Variants in IL1RAPL1 observed in about 807,000 individuals in gnomAD.
IL1RAPL1 encodes the protein interleukin-1 receptor accessory protein-like 1.
In IL1RAPL1, 3 loss-of-function variants were observed where a neutral mutation model predicts 48.4. The ratio of observed to expected loss-of-function variants is 0.06; its 90% CI spans 0.03 to 0.16. The LOEUF is 0.16. Ranked by LOEUF, IL1RAPL1 falls within the 10% of genes least tolerant of loss-of-function variation. The pLI, the probability that IL1RAPL1 is intolerant of heterozygous loss-of-function variation, is 1.00. For synonymous variants in IL1RAPL1, 185 were observed against 187.7 expected (o/e 0.99, Z 0.12); for missense variants, 349 against 530.6 (o/e 0.66, Z 3.36).
At chrX:29,103,220 T>C (rs969838226) in intron 2 of IL1RAPL1, among the ~76,000 whole-genome samples, 1 of 111,956 alleles carries the variant, frequency 8.9e-6, no homozygotes, top group Non-Finnish European at 1.9e-5. Context: ...CGAGCCCACG[T>C]TATGCTACAG....
At chrX:29,290,380 A>G (rs1223354658) in intron 3 of IL1RAPL1, among the ~76,000 whole-genome samples, 1 of 111,956 alleles carries the variant, frequency 8.9e-6, no homozygotes, top group African/African-American at 3.2e-5. Context: ...TCATGTTCTC[A>G]CTATCCTGTC....
intron 2 of IL1RAPL1, among the ~76,000 whole-genome samples, chrX:28,812,215 T>C (rs1310921032): frequency 9.0e-6 from 1 of 110,857 alleles, no homozygotes; most frequent in East Asian, 2.8e-4. Context: ...AATGAAACAA[T>C]GTGTGTATAT....
chrX:28,826,859 A>T (rs1217983862), intron 2 of IL1RAPL1, among the ~76,000 whole-genome samples: 1 of 111,058 alleles, frequency 9.0e-6, no homozygotes, highest in East Asian at 2.8e-4. Context: ...CCTACACCAT[A>T]GTAGTAATAT....
At chrX:28,595,398 T>C (rs1249970314) in intron 1 of IL1RAPL1, among the ~76,000 whole-genome samples, 1 of 112,478 alleles carries the variant, frequency 8.9e-6, no homozygotes, top group Non-Finnish European at 1.9e-5. Flanking sequence ...TTTATCCCTT[T>C]GTATTATAAT....
chrX:29,739,932 C>T (rs1340280712), intron 6 of IL1RAPL1, among the ~76,000 whole-genome samples: 4 of 108,007 alleles, frequency 3.7e-5, no homozygotes, highest in Admixed American at 2.0e-4. Context: ...TGGTGGTAGG[C>T]GCCTGTAATC....
At chrX:29,335,337 G>A (rs1319710045) in intron 3 of IL1RAPL1, among the ~76,000 whole-genome samples, 2 of 47,583 alleles carry the variant, frequency 4.2e-5, no homozygotes, top group Non-Finnish European at 8.6e-5. Flanking sequence ...AGGGGAGAGG[G>A]GAGAGGGAGA....
intron 2 of IL1RAPL1, among the ~76,000 whole-genome samples, chrX:28,873,827 G>A (rs1395081116): frequency 1.8e-5 from 2 of 109,959 alleles, no homozygotes; most frequent in Non-Finnish European, 3.8e-5. Flanking sequence ...CACCGCACCT[G>A]GCCTATTGTT....
intron 3 of IL1RAPL1, among the ~76,000 whole-genome samples, chrX:29,301,181 G>A (rs1265210963): frequency 8.9e-6 from 1 of 111,873 alleles, no homozygotes; most frequent in East Asian, 2.8e-4. Flanking sequence ...AAATTTGGCA[G>A]CTTTGAATTC....
At chrX:28,897,042 T>G (rs1922938453) in intron 2 of IL1RAPL1, among the ~76,000 whole-genome samples, 1 of 110,559 alleles carries the variant, frequency 9.0e-6, no homozygotes, top group South Asian at 3.9e-4. Context: ...TGAAGAGGTT[T>G]TAAGTTCTTG....
chrX:28,687,321 T>C (rs1031316014), intron 1 of IL1RAPL1, among the ~76,000 whole-genome samples: 4 of 112,147 alleles, frequency 3.6e-5, no homozygotes, highest in African/African-American at 1.3e-4. Flanking sequence ...ATTATGAATT[T>C]AGGTCTTGTT....
intron 2 of IL1RAPL1, among the ~76,000 whole-genome samples, chrX:29,155,021 TC>T (rs1929540734): frequency 1.8e-5 from 2 of 108,941 alleles, no homozygotes; most frequent in African/African-American, 6.7e-5. Flanking sequence ...TTTTTTTTTT[TC>T]TTGAGACAGA....
intron 5 of IL1RAPL1, among the ~76,000 whole-genome samples, chrX:29,666,521 T>G (rs780621581): frequency 3.7e-5 from 4 of 107,781 alleles, no homozygotes; most frequent in Non-Finnish European, 7.6e-5. Flanking sequence ...TGACTGAGCT[T>G]TAAAGAATTC....
At chrX:29,230,504 C>CTAAAAAAAAA (rs1931170202) in intron 2 of IL1RAPL1, among the ~76,000 whole-genome samples, 1 of 16,589 alleles carries the variant, frequency 6.0e-5, no homozygotes, top group Non-Finnish European at 9.4e-5. Flanking sequence ...GTCCCTTTAC[C>CTAAAAAAAAA]AAAAAAAAAA....
intron 2 of IL1RAPL1, among the ~76,000 whole-genome samples, chrX:28,889,813 CT>C (rs1270364470): frequency 3.6e-5 from 4 of 109,677 alleles, no homozygotes; most frequent in South Asian, 3.9e-4. Flanking sequence ...CGTCTGACTC[CT>C]TTTTTTTTCT....
At chrX:28,613,841 C>T in intron 1 of IL1RAPL1, among the ~76,000 whole-genome samples, 1 of 112,354 alleles carries the variant, frequency 8.9e-6, no homozygotes. Context: ...TGTTGGAACT[C>T]ACCATGGAGA....
chrX:28,937,783 T>G (rs188088701), intron 2 of IL1RAPL1, among the ~76,000 whole-genome samples: 36 of 111,461 alleles, frequency 3.2e-4, no homozygotes, highest in Admixed American at 2.1e-3. Context: ...CCCTATAGTT[T>G]TGTCCCCAAA....
intron 3 of IL1RAPL1, among the ~76,000 whole-genome samples, chrX:29,334,463 C>T (rs1932947111): frequency 8.9e-6 from 1 of 112,431 alleles, no homozygotes; most frequent in Admixed American, 9.2e-5. Flanking sequence ...CTGACCCCCC[C>T]CACCTCCCTC....
intron 1 of IL1RAPL1, among the ~76,000 whole-genome samples, chrX:28,777,662 T>C (rs1046159180): frequency 9.0e-6 from 1 of 111,556 alleles, no homozygotes; most frequent in African/African-American, 3.3e-5. Context: ...AACTAGTTTT[T>C]CTGTGCTCCA....
At chrX:29,261,785 A>G (rs1437609088) in intron 2 of IL1RAPL1, among the ~76,000 whole-genome samples, 3 of 110,748 alleles carry the variant, frequency 2.7e-5, no homozygotes, top group Non-Finnish European at 3.8e-5. Flanking sequence ...TCAGGGGTCA[A>G]TTTTAATGTT....
Sources: gnomAD v4.1 joint callset for allele counts (sites outside exome capture counted in the v4.1 genomes callset) on GRCh38, gnomAD v4.1.1 for gene constraint, MANE v1.5 for transcripts, NCBI Gene and HGNC (gene_info 2026-07-23, HGNC 2026-07-21) for gene names.